The following RCL1 variants were observed in gnomAD, a reference collection of about 807,000 sequenced individuals.
RCL1 encodes RNA 3'-terminal phosphate cyclase-like protein.
Under a neutral mutation model 42.4 loss-of-function variants are expected in RCL1, and 24 were observed. The observed-to-expected ratio is 0.57, with a 90% confidence interval of 0.41 to 0.80. The LOEUF is 0.80. RCL1 is among the 30% of genes least tolerant of loss of function. The probability of loss-of-function intolerance (pLI) is 0.00; values close to 1 mark genes in which losing one functional copy is unlikely to be tolerated. For synonymous variants in RCL1, 228 were observed against 177.3 expected (o/e 1.29, Z -2.27); for missense variants, 578 against 467.9 (o/e 1.24, Z -2.17).
chr9:4,826,729 C>G (rs1256696977), intron 2 of RCL1, 129 bp from the exon 3 acceptor site: 3 of 763,866 alleles, frequency 3.9e-6, no homozygotes, highest in East Asian at 2.4e-5. Flanking sequence ...GGGCTCTTAG[C>G]AAGATGGCAT....
chr9:4,829,892 T>G (rs1278405362), intron 3 of RCL1, among the ~76,000 whole-genome samples: 1 of 152,208 alleles, frequency 6.6e-6, no homozygotes, highest in Non-Finnish European at 1.5e-5. Context: ...AGCTTTCAGC[T>G]GGACACAGGT....
chr9:4,799,991 A>G (rs1842972143), intron 1 of RCL1, among the ~76,000 whole-genome samples: 1 of 152,208 alleles, frequency 6.6e-6, no homozygotes, highest in African/African-American at 2.4e-5. Context: ...GAGGTTATCT[A>G]GAGTCACTAT....
At chr9:4,855,857 A>C (rs1273048218) in intron 8 of RCL1, among the ~76,000 whole-genome samples, 1 of 152,130 alleles carries the variant, frequency 6.6e-6, no homozygotes, top group East Asian at 1.9e-4. Flanking sequence ...AAATACCCCA[A>C]ACTTGCAAAT....
chr9:4,792,945 A>G lies in RCL1; in HGVS notation c.-147A>G. ...CTAGTCTCTCCGTCTTCCTGTTCCA[A>G]ACCACGTGGACGCGTCTGGGCTGCT... On this transcript the variant is annotated 5_prime_UTR_variant, in exon 1 of 9. Transcript: ENST00000381750. 1 of 807,698 alleles carries G rather than the reference A, an allele frequency of 1.2e-6. No individual in the cohort carries two copies. The highest frequency in any genetic ancestry group is 1.8e-6 in the Non-Finnish European group (1 of 542,352). 50.0% of individuals were successfully genotyped at this position (807,698 alleles called of 1,614,324 possible).
intron 1 of RCL1, among the ~76,000 whole-genome samples, chr9:4,795,602 G>T (rs1842901548): frequency 6.6e-6 from 1 of 152,152 alleles, no homozygotes; most frequent in South Asian, 2.1e-4. Context: ...CCCGTCATCT[G>T]TCCCTTTCTG....
intron 1 of RCL1, among the ~76,000 whole-genome samples, chr9:4,823,165 T>C (rs1363366026): frequency 6.6e-6 from 1 of 152,194 alleles, no homozygotes; most frequent in East Asian, 1.9e-4. Context: ...TTTAAAATTG[T>C]TCCCTACTTT....
intron 1 of RCL1, among the ~76,000 whole-genome samples, chr9:4,801,846 C>T (rs773423142): frequency 1.3e-5 from 2 of 149,918 alleles, no homozygotes; most frequent in African/African-American, 4.9e-5. Flanking sequence ...TTGTGTGGAT[C>T]TCTTTCTGGG....
chr9:4,855,532 T>C (rs974261715), intron 8 of RCL1, among the ~76,000 whole-genome samples: 2 of 152,170 alleles, frequency 1.3e-5, no homozygotes, highest in African/African-American at 4.8e-5. Flanking sequence ...GGATCAGCAC[T>C]GGACAAGACT....
chr9:4,826,769 C>A, intron 2 of RCL1, 89 bp from the exon 3 acceptor site: 2 of 1,185,930 alleles, frequency 1.7e-6, no homozygotes, highest in Non-Finnish European at 2.4e-6. Context: ...CCTTGTCAGG[C>A]TTTCCCCTTG....
chr9:4,851,026 C>CT (rs1001097606), intron 8 of RCL1, among the ~76,000 whole-genome samples: 4 of 152,044 alleles, frequency 2.6e-5, no homozygotes, highest in Non-Finnish European at 5.9e-5. Flanking sequence ...TTTCGTGACA[C>CT]TTTTTTTCTT....
chr9:4,822,281 G>T (rs1043016681), intron 1 of RCL1, among the ~76,000 whole-genome samples: 1 of 152,184 alleles, frequency 6.6e-6, no homozygotes, highest in African/African-American at 2.4e-5. Context: ...TTTATTACAG[G>T]AGTGGGAATT....
intron 1 of RCL1, among the ~76,000 whole-genome samples, chr9:4,817,590 C>T (rs990452085): frequency 1.3e-5 from 2 of 151,958 alleles, no homozygotes; most frequent in South Asian, 2.1e-4. Flanking sequence ...CCTCCTGCCT[C>T]AGCTCTACCT....
At chr9:4,826,393 A>C (rs146191088) in intron 2 of RCL1, among the ~76,000 whole-genome samples, 453 of 152,340 alleles carry the variant, frequency 3.0e-3, no homozygotes, top group African/African-American at 9.8e-3. Flanking sequence ...TGAATGCCAT[A>C]AAGTACTTGC....
chr9:4,795,733 G>T (rs1041342243), intron 1 of RCL1, among the ~76,000 whole-genome samples: 2 of 152,222 alleles, frequency 1.3e-5, no homozygotes, highest in African/African-American at 4.8e-5. Flanking sequence ...CCCTCATGGT[G>T]TGGGCTTTGG....
chr9:4,834,168 G>A lies in RCL1; in HGVS notation c.487G>A (p.Gly163Arg), dbSNP rs1421620034. 1 of 1,608,420 alleles carries A rather than the reference G, an allele frequency of 6.2e-7. No homozygotes were observed. The highest frequency in any genetic ancestry group is 8.5e-7 in the Non-Finnish European group (1 of 1,177,204). The change falls in exon 5 of 9, where the codon GGA becomes AGA. Residue 163 changes from glycine to arginine, a missense_variant. Gly to Arg is a moderately radical substitution (Grantham distance 125, BLOSUM62 -2). Coordinates refer to ENST00000381750, the MANE Select transcript of RCL1 (RefSeq NM_005772.5). ...TGTGCGACGGGGAATGCCTCCCGGA[G>A]GAGGAGGCGAAGTGGTTTTCTCATG... is the stretch of plus-strand genomic sequence containing the variant. ...KIVRRGMPPG[G>R]GGEVVFSCPV...
At chr9:4,841,565 C>G (rs578132605) in intron 6 of RCL1, among the ~76,000 whole-genome samples, 4 of 152,226 alleles carry the variant, frequency 2.6e-5, no homozygotes, top group Non-Finnish European at 5.9e-5. Flanking sequence ...GAGCTGGAAG[C>G]TAAGGGTCTG....
intron 1 of RCL1, among the ~76,000 whole-genome samples, chr9:4,800,510 C>G (rs997382437): frequency 4.6e-5 from 7 of 151,372 alleles, no homozygotes; most frequent in Non-Finnish European, 1.5e-5. Flanking sequence ...CCACCATGCC[C>G]AGCCAGGTTT....
chr9:4,806,283 G>A (rs149250199), intron 1 of RCL1, among the ~76,000 whole-genome samples: 165 of 152,188 alleles, frequency 1.1e-3, no homozygotes, highest in Middle Eastern at 6.8e-3. Flanking sequence ...TAAGTAAAAT[G>A]GGTGGGAGGG....
At chr9:4,824,724 A>T (rs1018486334) in intron 2 of RCL1, among the ~76,000 whole-genome samples, 3 of 152,178 alleles carry the variant, frequency 2.0e-5, no homozygotes, top group Non-Finnish European at 4.4e-5. Flanking sequence ...GTCCTATACC[A>T]CATGAGATAT....
Sources: allele counts gnomAD v4.1 joint callset (sites outside exome capture counted in the v4.1 genomes callset), GRCh38; gene constraint gnomAD v4.1.1; transcripts MANE v1.5; gene names NCBI Gene and HGNC (gene_info 2026-07-23, HGNC 2026-07-21).